The following GNPTAB variants were observed in gnomAD, a reference collection of about 807,000 sequenced individuals.
GNPTAB encodes N-acetylglucosamine-1-phosphotransferase subunits alpha/beta.
Under a neutral mutation model 136.6 loss-of-function variants are expected in GNPTAB, and 92 were observed. The ratio of observed to expected loss-of-function variants is 0.67; its 90% CI spans 0.57 to 0.80. The LOEUF (loss-of-function observed/expected upper bound fraction) is 0.80, where lower values mean the gene tolerates loss of function less well. Ranked by LOEUF, GNPTAB falls within the 30% of genes least tolerant of loss-of-function variation. The pLI is 0.00. For missense variants in GNPTAB, 1,343 were observed against 1,501.8 expected (o/e 0.89, Z 1.75); for synonymous variants, 512 against 535.1 (o/e 0.96, Z 0.60).
chr12:101,796,853 G>A, intron 1 of GNPTAB, 91 bp from the exon 2 acceptor site: 3 of 881,914 alleles, frequency 3.4e-6, no homozygotes, highest in South Asian at 1.4e-5. Context: ...AATTGCTAGA[G>A]AAATGGGTAA....
intron 14 of GNPTAB, 51 bp downstream of exon 14, chr12:101,761,513 T>C (rs1952994222): frequency 1.3e-6 from 2 of 1,530,610 alleles, no homozygotes; most frequent in South Asian, 1.1e-5. Context: ...ACATTTCAAG[T>C]AGCCTTAGTT....
chr12:101,761,727 T>A lies in GNPTAB; in HGVS notation c.2752A>T (p.Thr918Ser). The A allele has an allele frequency of 6.2e-7, 1 of 1,613,810 alleles. No homozygotes were observed. The highest frequency in any genetic ancestry group is 8.5e-7 in the Non-Finnish European group (1 of 1,179,694). Residue 918 changes from threonine (T) to serine (S), a missense_variant, in exon 14 of 21, where the codon ACT (threonine) becomes TCT (serine). Thr to Ser is a moderately conservative substitution (Grantham distance 58). Transcript: ENST00000299314. Reference sequence around the variant, plus strand: ...TGCCTCCCAGTATTTTTGCTATCAGTGAAGTATGCCAATTGTGTCTTCAAT... The same window carrying A: ...TGCCTCCCAGTATTTTTGCTATCAGAGAAGTATGCCAATTGTGTCTTCAAT... ...ESLKTQLAYF[T>S]DSKNTGRQLK...
chr12:101,785,364 A>G (rs1217671809), intron 5 of GNPTAB, among the ~76,000 whole-genome samples: 3 of 152,128 alleles, frequency 2.0e-5, no homozygotes, highest in African/African-American at 7.2e-5. Context: ...CACCATGTCC[A>G]GCTGTGTGTT....
chr12:101,760,781 C>G (rs1394914230), intron 15 of GNPTAB, among the ~76,000 whole-genome samples: 1 of 137,226 alleles, frequency 7.3e-6, no homozygotes, highest in Non-Finnish European at 1.6e-5. Context: ...ATTTTCTTTT[C>G]TTTTTTTTTT....
At chr12:101,802,474 G>A (rs1230621817) in intron 1 of GNPTAB, among the ~76,000 whole-genome samples, 1 of 152,058 alleles carries the variant, frequency 6.6e-6, no homozygotes, top group Non-Finnish European at 1.5e-5. Flanking sequence ...TGAAGGTCAG[G>A]CACAACACTG....
chr12:101,787,674 G>A (rs937625452), intron 4 of GNPTAB, among the ~76,000 whole-genome samples: 49 of 152,094 alleles, frequency 3.2e-4, no homozygotes, highest in Non-Finnish European at 1.9e-4. Flanking sequence ...AGTACTTTGG[G>A]AGGCCGAGGC....
intron 16 of GNPTAB, among the ~76,000 whole-genome samples, chr12:101,757,866 T>G (rs1358847250): frequency 2.0e-5 from 3 of 152,172 alleles, no homozygotes; most frequent in Non-Finnish European, 4.4e-5. Flanking sequence ...TTATAATGCA[T>G]TTTTCACAAA....
intron 1 of GNPTAB, among the ~76,000 whole-genome samples, chr12:101,797,085 GT>G: frequency 6.6e-6 from 1 of 152,310 alleles, no homozygotes; most frequent in Admixed American, 6.5e-5. Flanking sequence ...GGGCCAGCCA[GT>G]TGGAAGAGCA....
chr12:101,748,466 A>G (rs1952768384), intron 20 of GNPTAB, among the ~76,000 whole-genome samples: 1 of 152,198 alleles, frequency 6.6e-6, no homozygotes, highest in African/African-American at 2.4e-5. Context: ...AGTATTTGAT[A>G]TGTGAATAGC....
In GNPTAB at chr12:101,745,566, C is replaced by T. The variant is rs1952720954; in HGVS notation, c.*1598G>A. On this transcript the variant is annotated 3_prime_UTR_variant, in exon 21 of 21. Transcript: ENST00000299314. ...ATACACAACTCTTACAGCACAAACA[C>T]AGTATTTACATTTCAAGTTCTTTGT... is the stretch of plus-strand genomic sequence containing the variant. 6.6e-6 allele frequency: 1 copy of T among 152,202 alleles called. No homozygotes were observed. The highest frequency in any genetic ancestry group is 2.1e-4 in the South Asian group (1 of 4,832). 9.4% of individuals were successfully genotyped at this position (152,202 alleles called of 1,614,324 possible).
At chr12:101,789,785 G>C (rs1296089592) in intron 3 of GNPTAB, among the ~76,000 whole-genome samples, 153 bp downstream of exon 3, 2 of 152,088 alleles carry the variant, frequency 1.3e-5, no homozygotes, top group East Asian at 3.8e-4. Flanking sequence ...TGCCTGGCCT[G>C]TTTTGTTTTT....
intron 1 of GNPTAB, among the ~76,000 whole-genome samples, chr12:101,800,560 A>AC (rs1869557482): frequency 6.8e-6 from 1 of 147,436 alleles, no homozygotes; most frequent in African/African-American, 2.5e-5. Context: ...GGAGTTCAAG[A>AC]TCAGCCTAGC....
intron 1 of GNPTAB, among the ~76,000 whole-genome samples, chr12:101,814,170 G>A (rs1466366013): frequency 6.6e-6 from 1 of 151,916 alleles, no homozygotes; most frequent in Non-Finnish European, 1.5e-5. Context: ...ATGGTGGCAT[G>A]AGCCTGTAGT....
intron 5 of GNPTAB, among the ~76,000 whole-genome samples, chr12:101,783,720 CTT>C (rs113705425): frequency 2.1e-5 from 3 of 145,042 alleles, no homozygotes; most frequent in South Asian, 2.2e-4. Flanking sequence ...CTAAAAATAA[CTT>C]TTTTTTTTTT....
intron 1 of GNPTAB, among the ~76,000 whole-genome samples, chr12:101,798,087 T>C (rs751622599): frequency 1.3e-5 from 2 of 152,170 alleles, no homozygotes; most frequent in Admixed American, 6.5e-5. Context: ...CTCACTCCAG[T>C]ATCACTTATG....
Position 101,788,561 on chromosome 12 carries a change from G to C in GNPTAB, c.352C>G (p.Pro118Ala). The C allele has an allele frequency of 2.6e-6, 4 of 1,565,116 alleles. No individual in the cohort carries two copies. The highest frequency in any genetic ancestry group is 3.5e-6 in the Non-Finnish European group (4 of 1,135,436). The stretch of plus-strand genomic sequence containing the variant: ...CAAAATGCTTACCTCTTCTTAGTAG[G>C]TTCCGTTGTGTTTTTCCCAAGGATT... ...REILGKNTTE[P>A]TKKSEKQLEC... Residue 118 changes from proline (P) to alanine (A), a missense_variant, in exon 4 of 21, where the codon CCT becomes GCT. Physicochemically the swap from Pro to Ala is conservative, Grantham distance 27 (BLOSUM62 -1). Transcript: ENST00000299314.
chr12:101,819,073 A>G (rs1298708719), intron 1 of GNPTAB, among the ~76,000 whole-genome samples: 2 of 151,316 alleles, frequency 1.3e-5, no homozygotes, highest in Non-Finnish European at 2.9e-5. Flanking sequence ...GTGCAATGAC[A>G]CGATCTTGGC....
At chr12:101,793,175 C>T (rs1869087081) in intron 2 of GNPTAB, among the ~76,000 whole-genome samples, 1 of 152,104 alleles carries the variant, frequency 6.6e-6, no homozygotes, top group Non-Finnish European at 1.5e-5. Flanking sequence ...ACTATTAGTT[C>T]ATTCCTTTAT....
chr12:101,786,350 A>T, intron 4 of GNPTAB, 133 bp from the exon 5 acceptor site: 1 of 743,068 alleles, frequency 1.3e-6, no homozygotes, highest in Non-Finnish European at 2.3e-6. Context: ...ACAAATGAAG[A>T]CTTTTATCTC....
Sources: allele counts gnomAD v4.1 joint callset (sites outside exome capture counted in the v4.1 genomes callset), GRCh38; gene constraint gnomAD v4.1.1; transcripts MANE v1.5; gene names NCBI Gene and HGNC (gene_info 2026-07-23, HGNC 2026-07-21).